Variants in PAK3 observed in about 807,000 individuals in gnomAD.
PAK3 encodes p21 (RAC1) activated kinase 3.
Under a neutral mutation model 41.0 loss-of-function variants are expected in PAK3, and 4 were observed. The observed-to-expected ratio is 0.10, with a 90% CI of 0.05 to 0.22. The LOEUF is 0.22. PAK3 is among the 10% of genes least tolerant of loss of function. The pLI is 1.00. For synonymous variants in PAK3, 146 were observed against 139.6 expected (o/e 1.05, Z -0.32); for missense variants, 205 against 409.9 (o/e 0.50, Z 4.32).
intron 11 of PAK3, among the ~76,000 whole-genome samples, chrX:111,182,411 C>T (rs2094471290): frequency 9.0e-6 from 1 of 111,150 alleles, no homozygotes; most frequent in African/African-American, 3.3e-5. Context: ...CAGAAAATTC[C>T]GTGTTCTGAT....
intron 1 of PAK3, among the ~76,000 whole-genome samples, chrX:111,077,606 A>G (rs571506495): frequency 1.8e-5 from 2 of 112,151 alleles, no homozygotes; most frequent in Admixed American, 1.9e-4. Flanking sequence ...TGATATCCAC[A>G]GGCAGAAGAA....
chrX:110,981,315 A>G (rs942091162), intron 1 of PAK3, among the ~76,000 whole-genome samples: 1 of 112,329 alleles, frequency 8.9e-6, no homozygotes, highest in Non-Finnish European at 1.9e-5. Flanking sequence ...TGGATCTTTT[A>G]CTAAATAATT....
chrX:111,127,793 C>T (rs1026312753), intron 5 of PAK3, among the ~76,000 whole-genome samples: 2 of 111,534 alleles, frequency 1.8e-5, no homozygotes, highest in Admixed American at 9.5e-5. Context: ...GGCTCCATTT[C>T]GTGTTCCTAT....
intron 16 of PAK3, among the ~76,000 whole-genome samples, chrX:111,208,934 C>CGT (rs202080809): frequency 0.047 from 4,858 of 104,306 alleles, 168 homozygotes; most frequent in African/African-American, 0.12. Flanking sequence ...CGAGGAATGA[C>CGT]GTGTGTGTGT....
chrX:111,034,148 C>T (rs1300619628), intron 1 of PAK3, among the ~76,000 whole-genome samples: 2 of 111,084 alleles, frequency 1.8e-5, no homozygotes, highest in Non-Finnish European at 1.9e-5. Flanking sequence ...GAGAGTGAAA[C>T]TGAAGGATGG....
In PAK3 at chrX:111,028,042, T is replaced by C. The variant is rs866981348; in HGVS notation, c.-28+83414T>C. ...ACATATATATGTGTGTATATATATA[T>C]ACACACACCATGGAATACTACTCAG... On this transcript the variant is annotated intron_variant, in intron 1 of 14. Transcript: ENST00000425146. 5.0e-4 allele frequency among the ~76,000 whole-genome samples: 5 copies of C among 9,935 alleles called. No homozygotes were observed. The South Asian group carries it at 0.016, about 32-fold the overall frequency. 8.6% of individuals were successfully genotyped at this position (9,935 alleles called of 115,157 possible).
chrX:110,944,693 G>T (rs1306577649), intron 1 of PAK3: 2 of 112,220 alleles, frequency 1.8e-5, no homozygotes, highest in Non-Finnish European at 3.8e-5. Flanking sequence ...CAGCCACTGG[G>T]AGGGCACGGG....
At chrX:111,012,432 T>C (rs2092024531) in intron 1 of PAK3, among the ~76,000 whole-genome samples, 1 of 111,946 alleles carries the variant, frequency 8.9e-6, no homozygotes, top group Admixed American at 9.5e-5. Flanking sequence ...GATGCCTTCT[T>C]TCACTGACAC....
chrX:111,048,644 C>A (rs1203311363), intron 1 of PAK3, among the ~76,000 whole-genome samples: 2 of 111,706 alleles, frequency 1.8e-5, no homozygotes, highest in Non-Finnish European at 3.8e-5. Flanking sequence ...CCACCCAACA[C>A]ATCCTCTTCA....
chrX:111,219,434 A>G, intron 17 of PAK3, among the ~76,000 whole-genome samples: 1 of 110,263 alleles, frequency 9.1e-6, no homozygotes, highest in East Asian at 2.8e-4. Flanking sequence ...ATTGCCACTT[A>G]CCTCATTTAA....
chrX:111,008,880 G>A (rs1415059059), intron 1 of PAK3, among the ~76,000 whole-genome samples: 1 of 111,336 alleles, frequency 9.0e-6, no homozygotes, highest in Non-Finnish European at 1.9e-5. Context: ...ATACACACGA[G>A]TGGGCAGCAC....
At chrX:111,178,406 A>G (rs1253053176) in intron 11 of PAK3, among the ~76,000 whole-genome samples, 1 of 111,802 alleles carries the variant, frequency 8.9e-6, no homozygotes, top group Non-Finnish European at 1.9e-5. Flanking sequence ...CTTGAAGAAA[A>G]AGAAAGAGAC....
In PAK3 at chrX:111,200,704, A is replaced by T. The variant is rs1244755539; in HGVS notation, c.1407+4064A>T. On this transcript the variant is annotated intron_variant, in intron 16 of 17. Coordinates refer to ENST00000372007, the MANE Select transcript of PAK3 (RefSeq NM_002578.5). ...CTTGTTTCTATGGATTTCCTCCCCT[A>T]AGTCTTTGGAGTTTGGAGGCACTAA... Among the ~76,000 whole-genome samples the T allele has an allele frequency of 3.6e-5, 4 of 111,826 alleles. No individual in the cohort carries two copies. In the Admixed American group the frequency reaches 3.8e-4, roughly 11 times the overall value.
At chrX:111,169,899 C>T (rs1603343500) in intron 10 of PAK3, among the ~76,000 whole-genome samples, 1 of 111,416 alleles carries the variant, frequency 9.0e-6, no homozygotes, top group Non-Finnish European at 1.9e-5. Context: ...AGATTAGGAA[C>T]CTTGCATTGC....
intron 1 of PAK3, among the ~76,000 whole-genome samples, chrX:110,957,095 G>C (rs2090876832): frequency 8.9e-6 from 1 of 111,938 alleles, no homozygotes; most frequent in African/African-American, 3.2e-5. Context: ...CCTTGGTTCA[G>C]ACCTTCATGA....
chrX:111,181,879 A>G, intron 11 of PAK3, among the ~76,000 whole-genome samples: 1 of 111,337 alleles, frequency 9.0e-6, no homozygotes. Context: ...ACAAGGTAGA[A>G]CGCTGCTATG....
intron 4 of PAK3, among the ~76,000 whole-genome samples, chrX:111,122,680 T>C (rs755901009): frequency 9.0e-6 from 1 of 111,641 alleles, no homozygotes; most frequent in African/African-American, 3.3e-5. Context: ...GCCAAACCTG[T>C]GTCAATTCCA....
chrX:110,979,344 G>C (rs1157808118), intron 1 of PAK3, among the ~76,000 whole-genome samples: 1 of 99,128 alleles, frequency 1.0e-5, no homozygotes, highest in African/African-American at 3.8e-5. Context: ...TGTCACCCAG[G>C]CTGGAGTGCA....
intron 1 of PAK3, among the ~76,000 whole-genome samples, chrX:111,044,011 T>G: frequency 8.9e-6 from 1 of 112,343 alleles, no homozygotes. Context: ...AAATACCTTG[T>G]TAGTAGTTCT....
Sources: gnomAD v4.1 joint callset for allele counts (sites outside exome capture counted in the v4.1 genomes callset) on GRCh38, gnomAD v4.1.1 for gene constraint, MANE v1.5 for transcripts, NCBI Gene and HGNC (gene_info 2026-07-23, HGNC 2026-07-21) for gene names.